The following IQUB variants were observed in gnomAD, a reference collection of about 807,000 sequenced individuals.
IQUB encodes IQ motif and ubiquitin domain containing.
In IQUB, 86 loss-of-function variants were observed where a neutral mutation model predicts 86.4. The ratio of observed to expected loss-of-function variants is 1.00; its 90% CI spans 0.84 to 1.19. The LOEUF (loss-of-function observed/expected upper bound fraction) is 1.19, where lower values mean the gene tolerates loss of function less well. Ranked by LOEUF, IQUB falls within the 50% of genes most tolerant of loss-of-function variation. IQUB has a pLI of 0.00. For missense variants in IQUB, 946 were observed against 916.9 expected, an observed-to-expected ratio of 1.03 and a Z score of -0.41; for synonymous variants, 289 against 304.5, an observed-to-expected ratio of 0.95 and a Z score of 0.53.
chr7:123,524,629 A>T (rs1481364781), intron 1 of IQUB, among the ~76,000 whole-genome samples: 1 of 151,128 alleles, frequency 6.6e-6, no homozygotes, highest in African/African-American at 2.4e-5. Flanking sequence ...CTAGATATAC[A>T]ATCATGTCGT....
At position 123,515,761 on chromosome 7, in the gene IQUB, C is replaced by T. The variant is rs189438365; in HGVS notation, c.-4-3417G>A. Among the ~76,000 whole-genome samples, 322 of 152,266 alleles carry T rather than the reference C, an allele frequency of 2.1e-3. 1 individual carries two copies. The highest frequency in any genetic ancestry group is 0.018 in the South Asian group (86 of 4,814). On this transcript the variant is annotated intron_variant, in intron 1 of 12. Transcript: ENST00000324698. ...TTTTAAAGCTCTCTAATAGCAAGTG[C>T]TAGTGAGTGCATATAAAGACAAGTG...
chr7:123,478,449 A>C lies in IQUB; in HGVS notation c.1410+1346T>G, dbSNP rs189941376. Among the ~76,000 whole-genome samples, 818 of 152,274 alleles carry C rather than the reference A, an allele frequency of 5.4e-3. 8 individuals carry two copies. The highest frequency in any genetic ancestry group is 0.019 in the African/African-American group (787 of 41,540). The stretch of plus-strand genomic sequence containing the variant: ...GGGTGGGAAGCAGGGGAGGGATAGC[A>C]TTAGGAGAAATACCTAATGTAGATG... On this transcript the variant is annotated intron_variant, in intron 8 of 12. Transcript: ENST00000324698.
chr7:123,530,305 A>C (rs1361268873), intron 1 of IQUB, among the ~76,000 whole-genome samples: 2 of 151,626 alleles, frequency 1.3e-5, no homozygotes, highest in Admixed American at 6.6e-5. Flanking sequence ...GCATGGTGGC[A>C]GGCACCTGTA....
At chr7:123,474,077 C>T (rs1002777372) in intron 8 of IQUB, among the ~76,000 whole-genome samples, 5 of 152,048 alleles carry the variant, frequency 3.3e-5, no homozygotes, top group African/African-American at 1.2e-4. Context: ...TATTCAGAGA[C>T]ATTCTATGTT....
Position 123,452,715 on chromosome 7 carries a change from G to T in IQUB, c.*28C>A. 2.6e-6 allele frequency: 4 copies of T among 1,549,356 alleles called. No homozygotes were observed. The South Asian group carries it at 3.5e-5, about 13-fold the overall frequency. Reference sequence around the variant, plus strand: ...CCCTATTAGCAGTGAACAAAATGCCGATCATCAAACAAATACTCCTGGATC... The same window carrying T: ...CCCTATTAGCAGTGAACAAAATGCCTATCATCAAACAAATACTCCTGGATC... On this transcript the variant is annotated 3_prime_UTR_variant, in exon 13 of 13. Transcript: ENST00000324698.
chr7:123,481,420 C>T (rs1794997314), intron 7 of IQUB, among the ~76,000 whole-genome samples: 1 of 151,980 alleles, frequency 6.6e-6, no homozygotes, highest in African/African-American at 2.4e-5. Context: ...TGCTACCTCC[C>T]CTCTCCTATG....
intron 7 of IQUB, among the ~76,000 whole-genome samples, chr7:123,481,996 C>A (rs1012272106): frequency 6.6e-6 from 1 of 151,352 alleles, no homozygotes; most frequent in Non-Finnish European, 1.5e-5. Flanking sequence ...AAAAAAGTGA[C>A]ACGAAAGGTG....
chr7:123,504,547 G>A (rs1284838752), intron 3 of IQUB, among the ~76,000 whole-genome samples: 1 of 152,168 alleles, frequency 6.6e-6, no homozygotes, highest in African/African-American at 2.4e-5. Flanking sequence ...AGAAGGTGAA[G>A]AGGAAGAAGG....
chr7:123,523,167 T>C (rs1228874437), intron 1 of IQUB, among the ~76,000 whole-genome samples: 1 of 152,034 alleles, frequency 6.6e-6, no homozygotes, highest in African/African-American at 2.4e-5. Context: ...TAAACATACA[T>C]GTGCATGTAT....
chr7:123,468,281 T>A (rs1047776547), intron 9 of IQUB, among the ~76,000 whole-genome samples: 4 of 152,058 alleles, frequency 2.6e-5, no homozygotes, highest in Admixed American at 2.0e-4. Context: ...AAACAGTGAG[T>A]ATCTCTTGTG....
At chr7:123,459,164 C>T (rs572091002) in intron 11 of IQUB, among the ~76,000 whole-genome samples, 10 of 151,974 alleles carry the variant, frequency 6.6e-5, no homozygotes, top group African/African-American at 2.2e-4. Context: ...TACATAGATA[C>T]GGTACTGAAA....
intron 3 of IQUB, among the ~76,000 whole-genome samples, chr7:123,508,487 T>G (rs543408755): frequency 3.9e-5 from 6 of 152,332 alleles, no homozygotes; most frequent in Middle Eastern, 3.4e-3. Flanking sequence ...GAGCTCAAGT[T>G]CTAGTACTAG....
At chr7:123,510,503 GTTA>G (rs1413652584) in intron 2 of IQUB, among the ~76,000 whole-genome samples, 1 of 152,034 alleles carries the variant, frequency 6.6e-6, no homozygotes, top group Admixed American at 6.6e-5. Context: ...ATTTTTAAAT[GTTA>G]TTATAAAATG....
At position 123,479,922 on chromosome 7, in the gene IQUB, G is replaced by A. The variant is rs763659820; in HGVS notation, c.1283C>T (p.Ala428Val). Residue 428 changes from alanine to valine, a missense_variant, in exon 8 of 13, where the codon GCT (alanine) becomes GTT (valine). Transcript: ENST00000324698. Reference protein sequence around the residue: ...LTRINQSFTGAERKAALCELL... With the variant: ...LTRINQSFTGVERKAALCELL... ...TTCACACAGAGCAGCTTTCCTTTCA[G>A]CTCCAGTAAAAGATTGGTTAATACG... 6.2e-7 allele frequency: 1 copy of A among 1,612,848 alleles called. No individual in the cohort carries two copies. The highest frequency in any genetic ancestry group is 8.5e-7 in the Non-Finnish European group (1 of 1,179,342).
At chr7:123,530,928 C>T (rs1345030689) in intron 1 of IQUB, among the ~76,000 whole-genome samples, 2 of 152,046 alleles carry the variant, frequency 1.3e-5, no homozygotes, top group African/African-American at 2.4e-5. Flanking sequence ...CCGCCCGCCT[C>T]GGCCACCCAA....
At chr7:123,501,538 GA>G (rs1459878190) in intron 6 of IQUB, 1 of 152,130 alleles carries the variant, frequency 6.6e-6, no homozygotes, top group Non-Finnish European at 1.5e-5. Flanking sequence ...GAAACTATCA[GA>G]AACTTTCCTG....
intron 1 of IQUB, among the ~76,000 whole-genome samples, chr7:123,514,748 C>T (rs936860282): frequency 1.2e-4 from 18 of 152,138 alleles, no homozygotes; most frequent in Non-Finnish European, 2.5e-4. Flanking sequence ...CACACCCTTC[C>T]CATGCTCCCT....
intron 7 of IQUB, among the ~76,000 whole-genome samples, chr7:123,480,508 C>T (rs1794959267): frequency 2.0e-5 from 3 of 152,070 alleles, no homozygotes; most frequent in African/African-American, 7.2e-5. Context: ...AATTGTTGGG[C>T]TGGCTTAGCC....
intron 3 of IQUB, among the ~76,000 whole-genome samples, chr7:123,505,979 C>T (rs1210790157): frequency 1.3e-5 from 2 of 152,164 alleles, no homozygotes; most frequent in African/African-American, 4.8e-5. Context: ...ACCAGCTAGG[C>T]CACATCTTGA....
Sources: allele counts gnomAD v4.1 joint callset (sites outside exome capture counted in the v4.1 genomes callset), GRCh38; gene constraint gnomAD v4.1.1; transcripts MANE v1.5; gene names NCBI Gene and HGNC (gene_info 2026-07-23, HGNC 2026-07-21).